NCKAP5: variants seen among roughly 807,000 people sequenced by gnomAD.
NCKAP5 encodes the protein NCK associated protein 5, also known as nck-associated protein 5.
In NCKAP5, 92 loss-of-function variants were observed where a neutral mutation model predicts 167.0. The observed-to-expected ratio is 0.55, with a 90% CI of 0.47 to 0.66. NCKAP5 has a LOEUF of 0.66. NCKAP5 is among the 30% of genes least tolerant of loss of function. The pLI is 0.00. For synonymous variants in NCKAP5, 891 were observed against 877.4 expected (o/e 1.02, Z -0.27); for missense variants, 2,378 against 2,315.0 (o/e 1.03, Z -0.56).
At chr2:132,828,287 C>A (rs1430338722) in intron 11 of NCKAP5, among the ~76,000 whole-genome samples, 1 of 152,098 alleles carries the variant, frequency 6.6e-6, no homozygotes, top group East Asian at 1.9e-4. Context: ...TGTCCCTGCC[C>A]AAACCTCATG....
At chr2:132,685,529 C>T (rs1685815127) in intron 19 of NCKAP5, among the ~76,000 whole-genome samples, 2 of 152,090 alleles carry the variant, frequency 1.3e-5, no homozygotes, top group South Asian at 4.2e-4. Flanking sequence ...CCTCTTGACT[C>T]ATGAGCAAAT....
chr2:133,104,858 T>G (rs898736794), intron 6 of NCKAP5, among the ~76,000 whole-genome samples: 1 of 152,222 alleles, frequency 6.6e-6, no homozygotes, highest in Non-Finnish European at 1.5e-5. Flanking sequence ...ACCTGCTTCT[T>G]CCAGATGTGA....
At chr2:133,011,819 TCTC>T (rs1435864859) in intron 6 of NCKAP5, among the ~76,000 whole-genome samples, 20 of 152,222 alleles carry the variant, frequency 1.3e-4, no homozygotes, top group African/African-American at 4.1e-4. Context: ...ACGTTGCTGA[TCTC>T]CTTGCTTTGA....
At chr2:133,218,461 A>G (rs2086523663) in intron 4 of NCKAP5, among the ~76,000 whole-genome samples, 1 of 152,204 alleles carries the variant, frequency 6.6e-6, no homozygotes, top group Admixed American at 6.5e-5. Context: ...GGCAAATATC[A>G]TCTTAGTGTT....
At chr2:133,059,151 T>A (rs553921330) in intron 6 of NCKAP5, among the ~76,000 whole-genome samples, 242 of 151,614 alleles carry the variant, frequency 1.6e-3, no homozygotes, top group Non-Finnish European at 2.9e-3. Flanking sequence ...TACAAAAAAA[T>A]TAGCTGGGAG....
At position 133,242,347 on chromosome 2, in the gene NCKAP5, T is replaced by C. The variant is rs144339643; in HGVS notation, c.144-28568A>G. Among the ~76,000 whole-genome samples the C allele has an allele frequency of 1.2e-3, 188 of 152,074 alleles. 2 individuals are homozygous for C. The East Asian group carries it at 0.029, about 23-fold the overall frequency. ...TACTATAATGAAAGACAGATAGCCT[T>C]GTCTCAAGAAAAGTAAAAGCAAGAA... On this transcript the variant is annotated intron_variant, in intron 4 of 19. Transcript: ENST00000409261.
intron 3 of NCKAP5, among the ~76,000 whole-genome samples, chr2:133,399,349 T>C (rs1464147006): frequency 1.3e-5 from 2 of 151,408 alleles, no homozygotes; most frequent in Non-Finnish European, 1.5e-5. Context: ...AGGGTCTTCA[T>C]TGCACAGATT....
intron 2 of NCKAP5, among the ~76,000 whole-genome samples, chr2:133,525,014 CA>C (rs1684756744): frequency 6.6e-6 from 1 of 152,112 alleles, no homozygotes; most frequent in Non-Finnish European, 1.5e-5. Flanking sequence ...ACTCTGACAA[CA>C]AAACCACCCC....
Position 133,518,372 on chromosome 2 carries a change from T to G in NCKAP5, c.-61-785A>C, listed in dbSNP as rs894211064. ...TTTTTTTTTTTTTTTTTTTTTTTTT[T>G]GGGATGGAATCTCGCTCTGTCACCC... On this transcript the variant is annotated intron_variant, in intron 2 of 19. Coordinates refer to ENST00000409261, the MANE Select transcript of NCKAP5 (RefSeq NM_207363.3). Among the ~76,000 whole-genome samples the G allele has an allele frequency of 1.1e-4, 14 of 129,262 alleles. No individual in the cohort carries two copies. In the South Asian group the frequency reaches 1.2e-3, roughly 11 times the overall value. 84.8% of individuals were successfully genotyped at this position (129,262 alleles called of 152,430 possible).
intron 6 of NCKAP5, among the ~76,000 whole-genome samples, chr2:132,996,448 C>T (rs943968199): frequency 6.6e-6 from 1 of 152,152 alleles, no homozygotes; most frequent in Non-Finnish European, 1.5e-5. Flanking sequence ...GGTGATACTT[C>T]TTAGAATGCC....
At chr2:132,887,842 G>A (rs1651264526) in intron 8 of NCKAP5, among the ~76,000 whole-genome samples, 1 of 152,134 alleles carries the variant, frequency 6.6e-6, no homozygotes, top group African/African-American at 2.4e-5. Context: ...TAGAGATAAG[G>A]TATTGCTATG....
chr2:132,914,804 A>G (rs1694735234), intron 8 of NCKAP5, among the ~76,000 whole-genome samples: 5 of 152,040 alleles, frequency 3.3e-5, no homozygotes. Flanking sequence ...GCTCAAGGCC[A>G]TCAGATAAAA....
intron 6 of NCKAP5, among the ~76,000 whole-genome samples, chr2:133,027,122 G>A (rs554356721): frequency 2.6e-5 from 4 of 152,198 alleles, no homozygotes; most frequent in African/African-American, 7.2e-5. Flanking sequence ...TAATAATGGC[G>A]TCTCCCTGTA....
rs1243366462 is a variant in NCKAP5 at position 132,887,624 on chromosome 2, C to T, written c.580-8708G>A. On this transcript the variant is annotated intron_variant, in intron 8 of 19. Coordinates refer to ENST00000409261, the MANE Select transcript of NCKAP5 (RefSeq NM_207363.3). ...TTCCAGGGCTGTGCCTTTGGTTTTG[C>T]TGCTCTAGCATGGAATATGCTTTAC... 4.6e-5 allele frequency among the ~76,000 whole-genome samples: 7 copies of T among 152,108 alleles called. No individual in the cohort carries two copies. In the East Asian group the frequency reaches 1.2e-3, roughly 25 times the overall value.
chr2:133,274,353 T>C (rs776570087), intron 4 of NCKAP5, among the ~76,000 whole-genome samples: 1 of 151,978 alleles, frequency 6.6e-6, no homozygotes, highest in African/African-American at 2.4e-5. Flanking sequence ...AACACCTTTA[T>C]AGAGAACACT....
intron 3 of NCKAP5, among the ~76,000 whole-genome samples, chr2:133,426,392 A>G (rs1164953366): frequency 1.3e-5 from 2 of 152,082 alleles, no homozygotes; most frequent in African/African-American, 2.4e-5. Context: ...TTTAAAAAAA[A>G]AAGATAGAAA....
At chr2:133,651,187 A>G in the NCKAP5 span, among the ~76,000 whole-genome samples, 1 of 152,226 alleles carries the variant, frequency 6.6e-6, no homozygotes, top group Non-Finnish European at 1.5e-5. Flanking sequence ...CTGCATAACA[A>G]AACAATCAAC....
intron 3 of NCKAP5, among the ~76,000 whole-genome samples, chr2:133,329,137 C>T (rs1438093067): frequency 6.6e-6 from 1 of 152,166 alleles, no homozygotes; most frequent in African/African-American, 2.4e-5. Flanking sequence ...GCTGAAGAGG[C>T]ATGAGAGTGG....
the NCKAP5 span, among the ~76,000 whole-genome samples, chr2:133,610,179 A>G: frequency 6.6e-6 from 1 of 152,308 alleles, no homozygotes; most frequent in Admixed American, 6.5e-5. Flanking sequence ...TACCATGAGA[A>G]AGAACACAAT....
Sources: gnomAD v4.1 joint callset for allele counts (sites outside exome capture counted in the v4.1 genomes callset) on GRCh38, gnomAD v4.1.1 for gene constraint, MANE v1.5 for transcripts, NCBI Gene and HGNC (gene_info 2026-07-23, HGNC 2026-07-21) for gene names.